The following NEBL variants were observed in gnomAD, a reference collection of about 807,000 sequenced individuals.
NEBL encodes the protein LIM and SH3 protein 2.
In NEBL, 122 loss-of-function variants were observed where a neutral mutation model predicts 140.2. The ratio of observed to expected loss-of-function variants is 0.87; its 90% CI spans 0.75 to 1.01. The LOEUF is 1.01. Among genes scored for constraint, NEBL ranks in the 50% least tolerant of loss-of-function variants. NEBL has a pLI of 0.00. For missense variants in NEBL, 1,365 were observed against 1,231.3 expected, an observed-to-expected ratio of 1.11 and a Z score of -1.62; for synonymous variants, 436 against 398.9, an observed-to-expected ratio of 1.09 and a Z score of -1.11.
chr10:20,827,861 G>A (rs1361755113), intron 17 of NEBL, among the ~76,000 whole-genome samples: 1 of 152,102 alleles, frequency 6.6e-6, no homozygotes, highest in Non-Finnish European at 1.5e-5. Context: ...TTATAAGTGG[G>A]AGCTAAATGA....
At position 21,237,659 on chromosome 10, in the gene NEBL, G is replaced by A. The variant is rs145707311; in HGVS notation, n.348+10262C>T. 5.6e-3 allele frequency among the ~76,000 whole-genome samples: 829 copies of A among 147,294 alleles called. 10 individuals carry two copies. The highest frequency in any genetic ancestry group is 0.02 in the African/African-American group (799 of 40,054). On this transcript the variant is annotated intron_variant and non_coding_transcript_variant, in intron 3 of 8. Coordinates refer to the NEBL transcript ENST00000675702. Reference sequence around the variant, plus strand: ...TCTTGCTCTGTCACCCAGGCTGGAGGGCAGTAGCACCATGTCAGCTCACTG... The same window carrying A: ...TCTTGCTCTGTCACCCAGGCTGGAGAGCAGTAGCACCATGTCAGCTCACTG...
At chr10:21,272,234 G>A (rs940857515) in intron 1 of NEBL, among the ~76,000 whole-genome samples, 1 of 148,822 alleles carries the variant, frequency 6.7e-6, no homozygotes, top group African/African-American at 2.5e-5. Context: ...CAAAGTGCTG[G>A]AATTACAGGC....
chr10:21,249,293 G>A (rs1842558102), intron 2 of NEBL, among the ~76,000 whole-genome samples: 1 of 152,168 alleles, frequency 6.6e-6, no homozygotes, highest in African/African-American at 2.4e-5. Context: ...TGATTTGAAA[G>A]TATTTTCTTC....
chr10:21,059,580 C>T (rs1486380405), intron 2 of NEBL, among the ~76,000 whole-genome samples: 1 of 152,182 alleles, frequency 6.6e-6, no homozygotes, highest in East Asian at 1.9e-4. Flanking sequence ...TAAATATTCT[C>T]AAATTAATTT....
intron 2 of NEBL, chr10:21,170,780 T>G (rs1394220434): frequency 6.6e-6 from 1 of 152,488 alleles, no homozygotes; most frequent in East Asian, 1.9e-4. Context: ...ATAAAATTTT[T>G]TTTAAGTTAT....
At chr10:20,979,764 T>C (rs1237693405) in intron 3 of NEBL, among the ~76,000 whole-genome samples, 4 of 152,214 alleles carry the variant, frequency 2.6e-5, no homozygotes, top group Non-Finnish European at 4.4e-5. Context: ...TGGAATACAG[T>C]GGTGCAATCA....
In NEBL at chr10:21,173,528, A is replaced by C. The variant is rs906810619; in HGVS notation, c.69+237T>G. Among the ~76,000 whole-genome samples, 2 of 152,022 alleles carry C rather than the reference A, an allele frequency of 1.3e-5. No homozygotes were observed. Among genetic ancestry groups the C allele is most frequent in the African/African-American group, 4.8e-5 (2 of 41,410 alleles). On this transcript the variant is annotated intron_variant, in intron 1 of 6. Transcript: ENST00000417816. This position sits in a 1 kb window ranked among gnomAD's most constrained non-coding sequence, Gnocchi z 5.7. ...TGCGCCCTCCGCAGAGGCTCTGCCGATGTCGCACCGCCCCGCACCGCGACA... is the reference window on the plus strand; with the variant it reads ...TGCGCCCTCCGCAGAGGCTCTGCCGCTGTCGCACCGCCCCGCACCGCGACA...
intron 4 of NEBL, among the ~76,000 whole-genome samples, chr10:20,950,211 C>T (rs1486367512): frequency 6.6e-6 from 1 of 152,176 alleles, no homozygotes; most frequent in African/African-American, 2.4e-5. Context: ...ATCCCACCTC[C>T]TAGCAATGTG....
At chr10:21,079,271 T>C (rs1407221565) in intron 2 of NEBL, among the ~76,000 whole-genome samples, 2 of 151,984 alleles carry the variant, frequency 1.3e-5, no homozygotes, top group Non-Finnish European at 2.9e-5. Flanking sequence ...AATGAGGAGG[T>C]GAAGAGGCAG....
chr10:21,277,027 G>T (rs1180629148), intron 1 of NEBL, among the ~76,000 whole-genome samples: 1 of 151,902 alleles, frequency 6.6e-6, no homozygotes, highest in Non-Finnish European at 1.5e-5. Context: ...TACTTGGGAG[G>T]CTGAGGTAGA....
intron 10 of NEBL, among the ~76,000 whole-genome samples, chr10:20,851,125 T>G (rs1486076117): frequency 6.6e-6 from 1 of 152,232 alleles, no homozygotes; most frequent in East Asian, 1.9e-4. Context: ...TGAGTGATAT[T>G]TTTTATCTTC....
intron 4 of NEBL, among the ~76,000 whole-genome samples, chr10:20,921,623 C>A (rs1046541687): frequency 6.6e-6 from 1 of 152,176 alleles, no homozygotes; most frequent in African/African-American, 2.4e-5. Context: ...ACCTCACTAT[C>A]CCTTGCTTGT....
intron 23 of NEBL, 57 bp from the exon 24 acceptor site, chr10:20,812,997 A>AT: frequency 4.9e-6 from 7 of 1,438,618 alleles, no homozygotes; most frequent in Non-Finnish European, 6.8e-6. Flanking sequence ...CTTTCACAAC[A>AT]TTTTTATTAA....
At chr10:21,101,373 C>T (rs918574338) in intron 2 of NEBL, among the ~76,000 whole-genome samples, 1 of 152,158 alleles carries the variant, frequency 6.6e-6, no homozygotes, top group African/African-American at 2.4e-5. Flanking sequence ...ACAGCTCTGG[C>T]TAAAACAATC....
chr10:21,252,398 T>TGATA (rs1422256124), intron 1 of NEBL, among the ~76,000 whole-genome samples: 3 of 152,168 alleles, frequency 2.0e-5, no homozygotes, highest in South Asian at 2.1e-4. Context: ...ATTGATTGAT[T>TGATA]GATAGATAGA....
chr10:20,968,233 C>T (rs147860335), intron 3 of NEBL, among the ~76,000 whole-genome samples: 2 of 151,818 alleles, frequency 1.3e-5, no homozygotes, highest in Non-Finnish European at 2.9e-5. Context: ...GGCCAGGCAC[C>T]GTGGCTCCTG....
At chr10:21,006,654 G>C (rs997388817) in intron 3 of NEBL, among the ~76,000 whole-genome samples, 14 of 152,154 alleles carry the variant, frequency 9.2e-5, no homozygotes, top group Non-Finnish European at 1.5e-4. Flanking sequence ...CTTTTCCAAA[G>C]GAGGAGTTGC....
intron 2 of NEBL, among the ~76,000 whole-genome samples, chr10:21,112,629 C>A (rs138931099): frequency 0.014 from 2,191 of 151,640 alleles, 47 homozygotes; most frequent in African/African-American, 0.05. Flanking sequence ...TAGGAAAATA[C>A]CTAATGTAAA....
intron 1 of NEBL, among the ~76,000 whole-genome samples, chr10:21,281,910 C>T (rs772263399): frequency 2.6e-5 from 4 of 152,202 alleles, no homozygotes; most frequent in Non-Finnish European, 5.9e-5. Flanking sequence ...TGTCATGTAA[C>T]TTTTCCTTTT....
Sources: allele counts gnomAD v4.1 joint callset (sites outside exome capture counted in the v4.1 genomes callset), GRCh38; gene constraint gnomAD v4.1.1; non-coding constraint Gnocchi (gnomAD v3.1); transcripts MANE v1.5; gene names NCBI Gene and HGNC (gene_info 2026-07-23, HGNC 2026-07-21).